Variants in TUT4 observed in about 807,000 individuals in gnomAD.
TUT4 encodes the protein terminal uridylyl transferase 4.
A neutral mutation model predicts 192.2 loss-of-function variants in TUT4; 36 were observed. The observed-to-expected ratio is 0.19, with a 90% CI of 0.14 to 0.25. TUT4 has a LOEUF of 0.25. Among genes scored for constraint, TUT4 ranks in the 10% least tolerant of loss-of-function variants. TUT4 has a pLI of 1.00. For missense variants in TUT4, 1,493 were observed against 1,957.2 expected (o/e 0.76, Z 4.47); for synonymous variants, 618 against 666.0 (o/e 0.93, Z 1.11).
intron 1 of TUT4, among the ~76,000 whole-genome samples, chr1:52,544,102 A>G (rs1687434510): frequency 6.6e-6 from 1 of 151,926 alleles, no homozygotes; most frequent in South Asian, 2.1e-4. Context: ...CCTGGCGAAC[A>G]TGGTGAAACC....
rs201921512 is a variant in TUT4, at chr1:52,446,337, T to C, written c.3619A>G (p.Ile1207Val). Residue 1207 changes from isoleucine (I) to valine (V), a missense_variant, in exon 22 of 30, where the codon ATT becomes GTT. Ile to Val is a conservative substitution (Grantham distance 29). Transcript: ENST00000257177. ...TEEFDFKEYVISIRQKKLLTT... is the reference protein window; with the variant it reads ...TEEFDFKEYVVSIRQKKLLTT... ...AACAGCTTTTTCTGCCGAATGCTAATTACATATTCCTTGAAATCAAACTCT... is the reference window on the plus strand; with the variant it reads ...AACAGCTTTTTCTGCCGAATGCTAACTACATATTCCTTGAAATCAAACTCT... 1 of 1,613,984 alleles carries C rather than the reference T, an allele frequency of 6.2e-7. No homozygotes were observed. The highest frequency in any genetic ancestry group is 1.3e-5 in the African/African-American group (1 of 75,042).
intron 24 of TUT4, among the ~76,000 whole-genome samples, chr1:52,444,618 T>C (rs1656816604): frequency 6.6e-6 from 1 of 150,484 alleles, no homozygotes; most frequent in African/African-American, 2.5e-5. Context: ...TTTGAGTCAG[T>C]GGGCTGGGGA....
intron 20 of TUT4, among the ~76,000 whole-genome samples, chr1:52,455,139 C>A (rs1289942177): frequency 6.6e-6 from 1 of 151,956 alleles, no homozygotes; most frequent in Non-Finnish European, 1.5e-5. Context: ...CAAAAACTAG[C>A]CAGACATGGT....
In TUT4 at chr1:52,461,238, C is replaced by T. The variant is rs1354180631; in HGVS notation, c.3232-15G>A. ...TTATGTTGAGCCTGAAAAATAATTA[C>T]ATATTTGAAAGGATTTCAAATTTCG... On this transcript the variant is annotated splice_polypyrimidine_tract_variant and intron_variant, in intron 18 of 29. Coordinates refer to ENST00000257177, the MANE Select transcript of TUT4 (RefSeq NM_001009881.3). 3 of 1,588,662 alleles carry T rather than the reference C, an allele frequency of 1.9e-6. No homozygotes were observed. The highest frequency in any genetic ancestry group is 1.2e-5 in the South Asian group (1 of 86,872).
intron 1 of TUT4, among the ~76,000 whole-genome samples, chr1:52,538,369 A>G (rs961337606): frequency 1.3e-5 from 2 of 151,532 alleles, no homozygotes; most frequent in South Asian, 2.1e-4. Flanking sequence ...GGCAACTGAG[A>G]AAAAAAAAGG....
chr1:52,553,201 G>A (rs542411281), upstream of TUT4: 1 of 152,388 alleles, frequency 6.6e-6, no homozygotes, highest in Non-Finnish European at 1.5e-5. Flanking sequence ...GTTGCCGGGG[G>A]AGAGGGGGAG....
intron 20 of TUT4, among the ~76,000 whole-genome samples, chr1:52,457,288 T>C (rs1661254147): frequency 6.6e-6 from 1 of 151,672 alleles, no homozygotes; most frequent in South Asian, 2.1e-4. Context: ...CAGGCTGGAG[T>C]GCAGTGGTGA....
chr1:52,463,750 TG>T (rs1404322558), intron 16 of TUT4: 2 of 1,304,136 alleles, frequency 1.5e-6, no homozygotes, highest in Non-Finnish European at 1.0e-6. Context: ...CCCTGGAGCT[TG>T]GACAATCTCC....
intron 1 of TUT4, among the ~76,000 whole-genome samples, chr1:52,540,420 C>T (rs1248446366): frequency 1.3e-5 from 2 of 149,758 alleles, no homozygotes; most frequent in Non-Finnish European, 1.5e-5. Context: ...GAGGCTGAGG[C>T]AGAAGAATCA....
chr1:52,513,873 G>C (rs929109198), intron 3 of TUT4, among the ~76,000 whole-genome samples: 1 of 152,032 alleles, frequency 6.6e-6, no homozygotes, highest in Non-Finnish European at 1.5e-5. Context: ...TATTTATTCT[G>C]ACAATGGACA....
At chr1:52,537,661 T>G (rs1246562683) in intron 1 of TUT4, among the ~76,000 whole-genome samples, 2 of 152,068 alleles carry the variant, frequency 1.3e-5, no homozygotes, top group Non-Finnish European at 2.9e-5. Flanking sequence ...GCCTGTAATC[T>G]CAGCACTTCG....
intron 29 of TUT4, chr1:52,424,215 G>C: frequency 1.9e-6 from 1 of 532,538 alleles, no homozygotes; most frequent in Non-Finnish European, 3.3e-6. Flanking sequence ...GAAAGATGGA[G>C]AGGAGGAATC....
intron 4 of TUT4, among the ~76,000 whole-genome samples, chr1:52,507,827 T>C (rs1413479136): frequency 6.6e-6 from 1 of 152,164 alleles, no homozygotes; most frequent in Non-Finnish European, 1.5e-5. Flanking sequence ...TTTCTTTTTT[T>C]TGTGATAGAG....
intron 3 of TUT4, among the ~76,000 whole-genome samples, chr1:52,513,964 A>G: frequency 6.6e-6 from 1 of 152,364 alleles, no homozygotes; most frequent in East Asian, 1.9e-4. Flanking sequence ...TCTGCTATGT[A>G]TTAAGTACTA....
rs867045611 is a variant in TUT4 at position 52,471,898 on chromosome 1, T to C, written c.2878+54A>G. 50 of 1,512,540 alleles carry C rather than the reference T, an allele frequency of 3.3e-5. No homozygotes were observed. In the African/African-American group the frequency reaches 4.7e-4, roughly 14 times the overall value. The allele number at this position is 1,512,540 out of a possible 1,614,324, so 93.7% of individuals were successfully genotyped here. A position where few individuals can be genotyped will look rare whatever the true frequency, so the allele number is the denominator to read the frequency against. ...CTGTTTTTAAATCAGAAAATTAATA[T>C]TTAATATCTAAGAAGGAATCTAGTC... On this transcript the variant is annotated intron_variant, in intron 14 of 29. Transcript: ENST00000257177.
chr1:52,537,330 G>T (rs539642508), intron 1 of TUT4, among the ~76,000 whole-genome samples: 1 of 151,824 alleles, frequency 6.6e-6, no homozygotes, highest in Non-Finnish European at 1.5e-5. Context: ...AGAGAGCTGG[G>T]GCTAAATTAT....
At chr1:52,509,451 G>A (rs1188875326) in intron 4 of TUT4, 145 bp downstream of exon 4, 2 of 601,570 alleles carry the variant, frequency 3.3e-6, no homozygotes, top group Admixed American at 6.2e-5. Flanking sequence ...AGATAAGGAA[G>A]GCAACAATTG....
chr1:52,532,548 C>T (rs374327252), intron 1 of TUT4, among the ~76,000 whole-genome samples: 1 of 152,064 alleles, frequency 6.6e-6, no homozygotes, highest in South Asian at 2.1e-4. Flanking sequence ...TGGGCTCAAG[C>T]GATCCTGCTG....
At chr1:52,482,640 G>A (rs1668779662) in intron 9 of TUT4, among the ~76,000 whole-genome samples, 1 of 151,972 alleles carries the variant, frequency 6.6e-6, no homozygotes, top group Admixed American at 6.6e-5. Flanking sequence ...TACTTACGTT[G>A]CCCAGGCTGG....
Sources: allele counts gnomAD v4.1 joint callset (sites outside exome capture counted in the v4.1 genomes callset), GRCh38; gene constraint gnomAD v4.1.1; transcripts MANE v1.5; gene names NCBI Gene and HGNC (gene_info 2026-07-23, HGNC 2026-07-21).